ESYT3: variants seen among roughly 807,000 people sequenced by gnomAD.
ESYT3 encodes extended synaptotagmin-3.
ESYT3 carries 101 observed loss-of-function variants against 111.5 expected under a neutral mutation model. The observed-to-expected ratio is 0.91, with a 90% confidence interval of 0.77 to 1.07. The LOEUF is 1.07. Among genes scored for constraint, ESYT3 ranks in the 50% least tolerant of loss-of-function variants. The pLI, the probability that ESYT3 is intolerant of heterozygous loss-of-function variation, is 0.00. For missense variants in ESYT3, 1,097 were observed against 1,109.4 expected (o/e 0.99, Z 0.16); for synonymous variants, 416 against 446.8 (o/e 0.93, Z 0.87).
At chr3:138,473,046 T>A (rs771403457) in intron 18 of ESYT3, 187 bp downstream of exon 18, 6 of 1,443,940 alleles carry the variant, frequency 4.2e-6, no homozygotes, top group Non-Finnish European at 5.4e-6. Flanking sequence ...AGGCTGTTTA[T>A]GGCTCTAGCT....
At position 138,478,226 on chromosome 3, in the gene ESYT3, A is replaced by G. The variant is rs1246202120; in HGVS notation, c.*1372A>G. On this transcript the variant is annotated 3_prime_UTR_variant, in exon 23 of 23. Transcript: ENST00000389567. ...CATGCTAAGCAGCTACTTATATTGT[A>G]TTTGGTATTTAATTTTGTTTATTCT... 1.3e-5 allele frequency: 2 copies of G among 152,172 alleles called. No homozygotes were observed. The highest frequency in any genetic ancestry group is 2.9e-5 in the Non-Finnish European group (2 of 68,024). The allele number at this position is 152,172 out of a possible 1,614,324, so 9.4% of individuals were successfully genotyped here. A position where few individuals can be genotyped will look rare whatever the true frequency, so the allele number is the denominator to read the frequency against.
At chr3:138,476,121 T>A in intron 20 of ESYT3, 102 bp from the exon 21 acceptor site, 1 of 752,406 alleles carries the variant, frequency 1.3e-6, no homozygotes, top group South Asian at 1.6e-5. Context: ...CTCCTAATAG[T>A]CTGTACCTTT....
intron 11 of ESYT3, 26 bp from the exon 12 acceptor site, chr3:138,468,079 C>G (rs755991799): frequency 6.2e-7 from 1 of 1,612,416 alleles, no homozygotes; most frequent in South Asian, 1.1e-5. Context: ...GCCCTTTTCC[C>G]TGAGCTTTCT....
chr3:138,469,033 A>G, intron 14 of ESYT3, 152 bp downstream of exon 14: 1 of 827,070 alleles, frequency 1.2e-6, no homozygotes, highest in East Asian at 2.4e-5. Flanking sequence ...ACTGTGTGCC[A>G]GGCACTAGGC....
chr3:138,455,791 TG>T (rs138045235), intron 3 of ESYT3, among the ~76,000 whole-genome samples: 216 of 152,372 alleles, frequency 1.4e-3, no homozygotes, highest in African/African-American at 5.0e-3. Context: ...ATGCTAGTTC[TG>T]TGAAGATCAG....
intron 1 of ESYT3, 71 bp from the exon 2 acceptor site, chr3:138,451,977 A>G (rs2031962157): frequency 1.3e-6 from 2 of 1,565,228 alleles, no homozygotes; most frequent in Middle Eastern, 1.7e-4. Context: ...GAAGCCCGCC[A>G]GGCTGGCTTG....
intron 20 of ESYT3, among the ~76,000 whole-genome samples, chr3:138,474,845 ACT>A (rs1212471396): frequency 2.6e-5 from 4 of 152,082 alleles, no homozygotes; most frequent in African/African-American, 2.4e-5. Context: ...GACAAGGGTG[ACT>A]CTAATCACAT....
intron 1 of ESYT3, among the ~76,000 whole-genome samples, chr3:138,445,884 A>G (rs1235090986): frequency 6.6e-6 from 1 of 152,216 alleles, no homozygotes; most frequent in Non-Finnish European, 1.5e-5. Context: ...TACACAAGGA[A>G]TAGGTTAGAA....
At chr3:138,461,467 G>T (rs2032636172) in intron 7 of ESYT3, among the ~76,000 whole-genome samples, 1 of 152,202 alleles carries the variant, frequency 6.6e-6, no homozygotes, top group Non-Finnish European at 1.5e-5. Context: ...GACTGGTCAG[G>T]GCTGGCACCA....
intron 14 of ESYT3, 103 bp from the exon 15 acceptor site, chr3:138,469,333 G>C: frequency 1.1e-6 from 1 of 948,702 alleles, no homozygotes; most frequent in Non-Finnish European, 1.7e-6. Context: ...AAGTAACTGG[G>C]TGGCCCCAGT....
intron 1 of ESYT3, among the ~76,000 whole-genome samples, chr3:138,449,054 ATTC>A (rs985126790): frequency 2.8e-5 from 4 of 145,388 alleles, no homozygotes; most frequent in Non-Finnish European, 4.5e-5. Context: ...GGCCTTGGTC[ATTC>A]TGTTGCTGCC....
chr3:138,466,579 TAC>T (rs1402341640), intron 10 of ESYT3, among the ~76,000 whole-genome samples: 2 of 152,340 alleles, frequency 1.3e-5, no homozygotes, highest in East Asian at 3.9e-4. Flanking sequence ...GCATGTTTCT[TAC>T]AGTTATATAG....
chr3:138,474,413 G>A, intron 20 of ESYT3, 61 bp downstream of exon 20: 5 of 1,517,112 alleles, frequency 3.3e-6, no homozygotes, highest in Non-Finnish European at 3.5e-6. Context: ...CCAAGTACCT[G>A]TTATGTTGCC....
intron 1 of ESYT3, among the ~76,000 whole-genome samples, chr3:138,436,295 T>C (rs577102934): frequency 6.6e-6 from 1 of 152,336 alleles, no homozygotes; most frequent in Non-Finnish European, 1.5e-5. Context: ...CTCTGCTGGC[T>C]TGCAGCTGGC....
In ESYT3 at chr3:138,435,674, C is replaced by CTCCT. The variant is rs1275628102; in HGVS notation, c.327+553_327+556dup. ...AGACCGACGGCGCCGGGCCCCGGGC[C>CTCCT]TCCTTCCCTCCCTCCCTCCGCCGGA... On this transcript the variant is annotated intron_variant, in intron 1 of 22. Coordinates refer to ENST00000389567, the MANE Select transcript of ESYT3 (RefSeq NM_031913.5). This position sits in a 1 kb window ranked among gnomAD's most constrained non-coding sequence, Gnocchi z 4.8. Among the ~76,000 whole-genome samples the CTCCT allele has an allele frequency of 6.6e-6, 1 of 150,866 alleles. No homozygotes were observed. Among genetic ancestry groups the CTCCT allele is most frequent in the Non-Finnish European group, 1.5e-5 (1 of 67,430 alleles).
rs1472037808 is a variant in ESYT3 at position 138,479,091 on chromosome 3, A to G, written c.*2237A>G. On this transcript the variant is annotated 3_prime_UTR_variant, in exon 23 of 23. Coordinates refer to ENST00000389567, the MANE Select transcript of ESYT3 (RefSeq NM_031913.5). ...AAATTATGAAACAAAACAAAAACAG[A>G]CTTTAAAAAAAATACAAAGTACACA... 1 of 152,170 alleles carries G rather than the reference A, an allele frequency of 6.6e-6. No individual in the cohort carries two copies. The highest frequency in any genetic ancestry group is 1.5e-5 in the Non-Finnish European group (1 of 68,036). 9.4% of individuals were successfully genotyped at this position (152,170 alleles called of 1,614,324 possible). A position where few individuals can be genotyped will look rare whatever the true frequency, so the allele number is the denominator to read the frequency against.
At chr3:138,480,012 A>C (rs1274490660), downstream of ESYT3, 1 of 152,228 alleles carries the variant, frequency 6.6e-6, no homozygotes, top group African/African-American at 2.4e-5. Context: ...ATAACTATGA[A>C]AATAGAGTAA....
At chr3:138,472,339 A>G in intron 17 of ESYT3, 24 bp from the exon 18 acceptor site, 1 of 1,605,778 alleles carries the variant, frequency 6.2e-7, no homozygotes, top group Non-Finnish European at 8.5e-7. Context: ...TCAGCTCATA[A>G]GCCACCCTCT....
intron 5 of ESYT3, 66 bp from the exon 6 acceptor site, chr3:138,459,879 C>A: frequency 1.4e-6 from 2 of 1,442,352 alleles, no homozygotes; most frequent in Non-Finnish European, 1.9e-6. Context: ...ATGGCCTCAG[C>A]TGAGCCCAGC....
Sources: gnomAD v4.1 joint callset for allele counts (sites outside exome capture counted in the v4.1 genomes callset) on GRCh38, gnomAD v4.1.1 for gene constraint, Gnocchi (gnomAD v3.1) non-coding constraint, MANE v1.5 for transcripts, NCBI Gene and HGNC (gene_info 2026-07-23, HGNC 2026-07-21) for gene names.